ANKS1B: variants seen among roughly 807,000 people sequenced by gnomAD.
ANKS1B encodes the protein ankyrin repeat and sterile alpha motif domain containing 1B.
A neutral mutation model predicts 148.3 loss-of-function variants in ANKS1B; 36 were observed. The ratio of observed to expected loss-of-function variants is 0.24; its 90% confidence interval spans 0.19 to 0.32. The LOEUF (loss-of-function observed/expected upper bound fraction) is 0.32. Ranked by LOEUF, ANKS1B falls within the 10% of genes least tolerant of loss-of-function variation. ANKS1B has a pLI of 1.00. For missense variants in ANKS1B, 1,157 were observed against 1,542.6 expected, an observed-to-expected ratio of 0.75 and a Z score of 4.19; for synonymous variants, 542 against 560.8, an observed-to-expected ratio of 0.97 and a Z score of 0.47.
intron 1 of ANKS1B, among the ~76,000 whole-genome samples, chr12:99,895,970 T>C (rs1016939636): frequency 7.3e-5 from 11 of 151,306 alleles, no homozygotes; most frequent in African/African-American, 2.7e-4. Context: ...TATTTTTTAA[T>C]TGTATCTCTT....
rs376176385 is a variant in ANKS1B at position 98,952,882 on chromosome 12, A to G, written c.2778+100275T>C. Among the ~76,000 whole-genome samples the G allele has an allele frequency of 4.7e-4, 71 of 152,294 alleles. No homozygotes were observed. The South Asian group carries it at 0.014, about 31-fold the overall frequency. ...AACTTCCTTTATTTTTTTAAGAGAC[A>G]GCTTCTCATCCCACTGCCCATGCTG... is the stretch of plus-strand genomic sequence containing the variant. On this transcript the variant is annotated intron_variant, in intron 17 of 26. Transcript: ENST00000683438.
At chr12:99,686,825 CATTTT>C (rs995187296) in intron 8 of ANKS1B, among the ~76,000 whole-genome samples, 6 of 152,074 alleles carry the variant, frequency 3.9e-5, no homozygotes, top group African/African-American at 1.4e-4. Context: ...TCACACAATA[CATTTT>C]ATTATTTTTA....
intron 8 of ANKS1B, among the ~76,000 whole-genome samples, chr12:99,760,383 A>G (rs2061971708): frequency 2.0e-5 from 3 of 152,014 alleles, no homozygotes; most frequent in South Asian, 4.1e-4. Flanking sequence ...TGCCATAAAC[A>G]TATCTCAAAA....
intron 9 of ANKS1B, among the ~76,000 whole-genome samples, chr12:99,533,989 T>G (rs1171541750): frequency 1.3e-5 from 2 of 152,210 alleles, no homozygotes; most frequent in Non-Finnish European, 1.5e-5. Flanking sequence ...TGTGCTATTT[T>G]AACAGAAACA....
intron 8 of ANKS1B, chr12:99,772,668 C>A (rs1447168358): frequency 1.4e-5 from 4 of 291,414 alleles, no homozygotes; most frequent in East Asian, 5.8e-5. Flanking sequence ...ACAACAACAA[C>A]AAATACCAAA....
In ANKS1B at chr12:99,117,198, C is replaced by G. The variant is rs1735846480; in HGVS notation, c.2527-32175G>C. The stretch of plus-strand genomic sequence containing the variant: ...ATCTGAATACGCTTTATTTCTTTGT[C>G]TTGCCTGATTGCCCTGGCCAGAACT... On this transcript the variant is annotated intron_variant, in intron 15 of 26. Coordinates refer to ENST00000683438, the MANE Select transcript of ANKS1B (RefSeq NM_001352186.2). 2.0e-5 allele frequency among the ~76,000 whole-genome samples: 3 copies of G among 152,152 alleles called. No homozygotes were observed. The South Asian group carries it at 6.2e-4, about 32-fold the overall frequency.
At chr12:98,758,736 C>T (rs1463066373) in intron 25 of ANKS1B, among the ~76,000 whole-genome samples, 1 of 151,710 alleles carries the variant, frequency 6.6e-6, no homozygotes, top group Non-Finnish European at 1.5e-5. Flanking sequence ...CTCTTCTCTT[C>T]TTCCCCAGGG....
At chr12:98,939,140 T>G (rs959288116) in intron 17 of ANKS1B, among the ~76,000 whole-genome samples, 1 of 152,212 alleles carries the variant, frequency 6.6e-6, no homozygotes, top group Non-Finnish European at 1.5e-5. Flanking sequence ...AATGTTATCC[T>G]AAAGTGTATG....
intron 12 of ANKS1B, among the ~76,000 whole-genome samples, chr12:99,356,127 C>G (rs2091954873): frequency 6.6e-6 from 1 of 152,062 alleles, no homozygotes; most frequent in Non-Finnish European, 1.5e-5. Flanking sequence ...ATATAAGGAA[C>G]AGCCACTACT....
rs1163815256 is a variant in ANKS1B, at chr12:99,278,014, A to G, written c.1757-31150T>C. Among the ~76,000 whole-genome samples, 5 of 152,348 alleles carry G rather than the reference A, an allele frequency of 3.3e-5. No individual in the cohort carries two copies. In the East Asian group the frequency reaches 7.7e-4, roughly 23 times the overall value. On this transcript the variant is annotated intron_variant, in intron 12 of 26. Coordinates refer to ENST00000683438, the MANE Select transcript of ANKS1B (RefSeq NM_001352186.2). Reference sequence around the variant, plus strand: ...ATCCACAGACCTAATTCTACATTTTAAGAGATAAAAGATAAAACTCTTCAA... The same window carrying G: ...ATCCACAGACCTAATTCTACATTTTGAGAGATAAAAGATAAAACTCTTCAA...
At chr12:99,296,714 C>T (rs2080917230) in intron 12 of ANKS1B, among the ~76,000 whole-genome samples, 1 of 152,106 alleles carries the variant, frequency 6.6e-6, no homozygotes, top group Non-Finnish European at 1.5e-5. Flanking sequence ...GAGTAGAGAC[C>T]TTGCTTGTCT....
chr12:99,343,568 C>A (rs1259261063), intron 12 of ANKS1B, among the ~76,000 whole-genome samples: 1 of 152,010 alleles, frequency 6.6e-6, no homozygotes, highest in Non-Finnish European at 1.5e-5. Flanking sequence ...TCAGCATCTA[C>A]AACCTTTTCC....
chr12:99,343,796 T>G (rs1398863591), intron 12 of ANKS1B: 2 of 152,062 alleles, frequency 1.3e-5, no homozygotes, highest in African/African-American at 4.8e-5. Context: ...AAACTGGCTT[T>G]TACCCTTATG....
chr12:99,096,515 C>A (rs1483739629), intron 15 of ANKS1B, among the ~76,000 whole-genome samples: 3 of 152,098 alleles, frequency 2.0e-5, no homozygotes, highest in Admixed American at 6.5e-5. Context: ...AGGAGGCTAA[C>A]CCCACGAAGG....
chr12:99,431,948 G>T (rs1345654268), intron 11 of ANKS1B, among the ~76,000 whole-genome samples: 1 of 152,164 alleles, frequency 6.6e-6, no homozygotes, highest in African/African-American at 2.4e-5. Flanking sequence ...CTCATGAATG[G>T]CTTGGTTCTG....
chr12:99,399,928 A>G, intron 11 of ANKS1B, 117 bp from the exon 12 acceptor site: 3 of 885,258 alleles, frequency 3.4e-6, no homozygotes, highest in Non-Finnish European at 5.3e-6. Context: ...TCTGGGTTTT[A>G]TACTTAAAAT....
chr12:99,768,488 G>C (rs897439637), intron 8 of ANKS1B, among the ~76,000 whole-genome samples: 2 of 152,046 alleles, frequency 1.3e-5, no homozygotes, highest in Admixed American at 6.6e-5. Context: ...GTGTTGGGAG[G>C]TCATCAGATG....
chr12:99,430,430 A>AT (rs1454878301), intron 11 of ANKS1B, among the ~76,000 whole-genome samples: 1 of 152,212 alleles, frequency 6.6e-6, no homozygotes, highest in East Asian at 1.9e-4. Context: ...AAAGATGAAG[A>AT]TTTTGATGTC....
chr12:99,510,027 C>T (rs949958176), intron 9 of ANKS1B, among the ~76,000 whole-genome samples: 1 of 151,946 alleles, frequency 6.6e-6, no homozygotes, highest in African/African-American at 2.4e-5. Context: ...TGTCTGTTGG[C>T]AGCATGTCTG....
Sources: allele counts gnomAD v4.1 joint callset (sites outside exome capture counted in the v4.1 genomes callset), GRCh38; gene constraint gnomAD v4.1.1; transcripts MANE v1.5; gene names NCBI Gene and HGNC (gene_info 2026-07-23, HGNC 2026-07-21).